DNAJC11: variants seen among roughly 807,000 people sequenced by gnomAD.
The protein encoded by DNAJC11 is dnaJ homolog subfamily C member 11.
In DNAJC11, 15 loss-of-function variants were observed where a neutral mutation model predicts 78.6. The observed-to-expected ratio is 0.19, with a 90% confidence interval of 0.13 to 0.29. The LOEUF (loss-of-function observed/expected upper bound fraction) is 0.29. DNAJC11 is among the 10% of genes least tolerant of loss of function. DNAJC11 has a pLI of 1.00. For synonymous variants in DNAJC11, 292 were observed against 272.1 expected (o/e 1.07, Z -0.72); for missense variants, 547 against 709.6 (o/e 0.77, Z 2.60).
intron 4 of DNAJC11, among the ~76,000 whole-genome samples, chr1:6,659,980 C>T (rs1311166183): frequency 4.7e-5 from 7 of 150,118 alleles, no homozygotes; most frequent in South Asian, 4.3e-4. Flanking sequence ...GGCATGAACC[C>T]GGGAGGCGGA....
At chr1:6,694,826 T>C (rs1354101066) in intron 1 of DNAJC11, among the ~76,000 whole-genome samples, 1 of 146,672 alleles carries the variant, frequency 6.8e-6, no homozygotes, top group African/African-American at 2.5e-5. Context: ...AAAAAAAAAA[T>C]TATCCAGGCA....
rs533838541 is a variant in DNAJC11, at chr1:6,653,967, C to T, written c.451G>A (p.Gly151Ser). 53 of 1,613,382 alleles carry T rather than the reference C, an allele frequency of 3.3e-5. No homozygotes were observed. Among genetic ancestry groups the T allele is most frequent in the African/African-American group, 4.0e-5 (3 of 74,848 alleles). The change falls in exon 5 of 16, where the codon GGC (glycine) becomes AGC (serine). Residue 151 changes from glycine to serine, a missense_variant. Coordinates refer to ENST00000377577, the MANE Select transcript of DNAJC11 (RefSeq NM_018198.4). This position sits in a 1 kb window ranked among gnomAD's most constrained non-coding sequence, Gnocchi z 4.5. ...RYDEEYEDVS[G>S]SSFPQIEINK... The stretch of plus-strand genomic sequence containing the variant: ...ATTTCAATCTGCGGAAAGCTACTGC[C>T]GGACACATCTTCATACTCCTCATCA...
intron 3 of DNAJC11, chr1:6,668,022 A>C (rs1642318862): frequency 1.8e-6 from 1 of 543,218 alleles, no homozygotes; most frequent in South Asian, 2.8e-5. Context: ...GCCCTTCCCA[A>C]GGTTGAAATG....
intron 3 of DNAJC11, among the ~76,000 whole-genome samples, chr1:6,669,605 T>G (rs1481979009): frequency 2.0e-5 from 3 of 151,860 alleles, no homozygotes; most frequent in Non-Finnish European, 4.4e-5. Flanking sequence ...TCAGCCCTTC[T>G]TAGCTCGTCA....
At chr1:6,651,876 G>T (rs902712609) in intron 6 of DNAJC11, among the ~76,000 whole-genome samples, 1 of 152,170 alleles carries the variant, frequency 6.6e-6, no homozygotes, top group Non-Finnish European at 1.5e-5. Flanking sequence ...TCTGTTCCTT[G>T]CCTCCCAGGC....
At chr1:6,669,866 C>A (rs984601333) in intron 3 of DNAJC11, among the ~76,000 whole-genome samples, 2 of 152,006 alleles carry the variant, frequency 1.3e-5, no homozygotes, top group African/African-American at 4.8e-5. Flanking sequence ...GGGAGAAACA[C>A]AGGGGAGTCT....
rs72636146 is a variant in DNAJC11, at chr1:6,659,395, G to A, written c.379-5356C>T. 4.8e-3 allele frequency among the ~76,000 whole-genome samples: 730 copies of A among 152,260 alleles called. 2 individuals are homozygous for A. The highest frequency in any genetic ancestry group is 7.9e-3 in the Non-Finnish European group (540 of 68,026). ...GCAACACTCTTCACCAGATGGCCAC[G>A]TGGCTAACTTTGTCATCTGCTTCCC... On this transcript the variant is annotated intron_variant, in intron 4 of 15. Transcript: ENST00000377577.
chr1:6,655,599 G>A (rs1235418163), intron 4 of DNAJC11, among the ~76,000 whole-genome samples: 4 of 152,152 alleles, frequency 2.6e-5, no homozygotes, highest in Non-Finnish European at 4.4e-5. Context: ...GAGGGAGTGG[G>A]ATCACCTGAG....
chr1:6,655,362 C>T (rs373418609), intron 4 of DNAJC11, among the ~76,000 whole-genome samples: 12 of 152,260 alleles, frequency 7.9e-5, no homozygotes, highest in Admixed American at 3.3e-4. Context: ...TGTAGTGATA[C>T]GCATAATGCA....
At position 6,653,995 on chromosome 1, in the gene DNAJC11, G is replaced by A; in HGVS notation, c.423C>T (p.Arg141=). 1 of 1,613,588 alleles carries A rather than the reference G, an allele frequency of 6.2e-7. No individual in the cohort carries two copies. The highest frequency in any genetic ancestry group is 2.2e-5 in the East Asian group (1 of 44,874). ...ACACATCTTCATACTCCTCATCATA[G>A]CGATCAAAAAGGTCGGTGGCATCTA... ...VGVDATDLFD[R]YDEEYEDVSG... is the part of the protein sequence containing the mutation. Residue 141 remains arginine (R), a synonymous_variant, in exon 5 of 16, where the codon CGC becomes CGT. Coordinates refer to ENST00000377577, the MANE Select transcript of DNAJC11 (RefSeq NM_018198.4). The surrounding 1 kb of genome is among the most constrained non-coding windows in gnomAD (Gnocchi z 4.5).
intron 10 of DNAJC11, 102 bp from the exon 11 acceptor site, chr1:6,640,159 G>T (rs376675442): frequency 8.9e-5 from 122 of 1,373,892 alleles, no homozygotes; most frequent in Non-Finnish European, 1.2e-4. Context: ...CTTGTGCTGC[G>T]TGCAGCTGCG....
chr1:6,644,528 C>T, intron 10 of DNAJC11, 30 bp downstream of exon 10: 2 of 1,500,484 alleles, frequency 1.3e-6, no homozygotes, highest in Non-Finnish European at 1.9e-6. Context: ...ACAGGCATTC[C>T]TTGACCCGAA....
Position 6,653,954 on chromosome 1 carries a change from G to C in DNAJC11, c.464C>G (p.Pro155Arg). Residue 155 changes from proline to arginine, a missense_variant, in exon 5 of 16, where the codon CCG becomes CGG. Pro to Arg is a moderately radical substitution (Grantham distance 103). Coordinates refer to ENST00000377577, the MANE Select transcript of DNAJC11 (RefSeq NM_018198.4). This position sits in a 1 kb window ranked among gnomAD's most constrained non-coding sequence, Gnocchi z 4.5. ...EYEDVSGSSFPQIEINKMHIS... is the reference protein window; with the variant it reads ...EYEDVSGSSFRQIEINKMHIS... ...GTGCATTTTATTAATTTCAATCTGC[G>C]GAAAGCTACTGCCGGACACATCTTC... 2 of 1,613,336 alleles carry C rather than the reference G, an allele frequency of 1.2e-6. No homozygotes were observed. The highest frequency in any genetic ancestry group is 1.7e-6 in the Non-Finnish European group (2 of 1,179,516).
chr1:6,653,688 G>A lies in DNAJC11; in HGVS notation c.507+223C>T. On this transcript the variant is annotated intron_variant, in intron 5 of 15. Transcript: ENST00000377577. This position sits in a 1 kb window ranked among gnomAD's most constrained non-coding sequence, Gnocchi z 4.5. The stretch of plus-strand genomic sequence containing the variant: ...CTCTGCTGGAAAGGCCCAAGACCTT[G>A]GGAGCCAAGTGCCCCAGCCCACACT... The A allele has an allele frequency of 2.2e-6, 1 of 461,810 alleles. No individual in the cohort carries two copies. 28.6% of individuals were successfully genotyped at this position (461,810 alleles called of 1,614,324 possible). A position where few individuals can be genotyped will look rare whatever the true frequency, so the allele number is the denominator to read the frequency against.
intron 1 of DNAJC11, among the ~76,000 whole-genome samples, chr1:6,693,190 A>C (rs1642775844): frequency 6.6e-6 from 1 of 152,028 alleles, no homozygotes; most frequent in South Asian, 2.1e-4. Context: ...TGGGACTGTA[A>C]GGCGTGAGCC....
intron 3 of DNAJC11, among the ~76,000 whole-genome samples, chr1:6,677,173 A>AC (rs1224076105): frequency 6.6e-6 from 1 of 150,710 alleles, no homozygotes; most frequent in Non-Finnish European, 1.5e-5. Context: ...AAAAAAAAAA[A>AC]ACAAAAAAAA....
chr1:6,674,156 C>CT (rs1217077711), intron 3 of DNAJC11, among the ~76,000 whole-genome samples: 6 of 152,322 alleles, frequency 3.9e-5, no homozygotes, highest in African/African-American at 1.4e-4. Flanking sequence ...ACAAACATCA[C>CT]TAACCAACCT....
intron 1 of DNAJC11, among the ~76,000 whole-genome samples, chr1:6,685,496 G>A (rs1642641519): frequency 6.6e-6 from 1 of 152,166 alleles, no homozygotes; most frequent in Non-Finnish European, 1.5e-5. Context: ...GCCTTTTGCT[G>A]ACTAGAGGTC....
chr1:6,656,100 TA>T (rs749444041), intron 4 of DNAJC11, among the ~76,000 whole-genome samples: 1,871 of 88,840 alleles, frequency 0.021, 39 homozygotes, highest in African/African-American at 0.074. Context: ...AGACTCCGTC[TA>T]AAAAAAAAAA....
Sources: allele counts gnomAD v4.1 joint callset (sites outside exome capture counted in the v4.1 genomes callset), GRCh38; gene constraint gnomAD v4.1.1; non-coding constraint Gnocchi (gnomAD v3.1); transcripts MANE v1.5; gene names NCBI Gene and HGNC (gene_info 2026-07-23, HGNC 2026-07-21).